Variants in PTPRR observed in about 807,000 individuals in gnomAD.
PTPRR encodes the protein protein tyrosine phosphatase receptor type R, also known as receptor-type tyrosine-protein phosphatase R.
PTPRR carries 38 observed loss-of-function variants against 77.2 expected under a neutral mutation model. The ratio of observed to expected loss-of-function variants is 0.49; its 90% confidence interval spans 0.38 to 0.65. The LOEUF (loss-of-function observed/expected upper bound fraction) is 0.65, where lower values mean the gene tolerates loss of function less well. Ranked by LOEUF, PTPRR falls within the 30% of genes least tolerant of loss-of-function variation. The probability of loss-of-function intolerance (pLI) is 0.00; values close to 1 mark genes in which losing one functional copy is unlikely to be tolerated. For missense variants in PTPRR, 744 were observed against 799.2 expected, an observed-to-expected ratio of 0.93 and a Z score of 0.83; for synonymous variants, 299 against 283.1, an observed-to-expected ratio of 1.06 and a Z score of -0.57.
intron 1 of PTPRR, among the ~76,000 whole-genome samples, chr12:70,914,265 C>A (rs1433679294): frequency 1.3e-5 from 2 of 152,110 alleles, no homozygotes; most frequent in African/African-American, 4.8e-5. Flanking sequence ...GACCTCATCG[C>A]AAAAGACTGC....
chr12:70,815,414 T>C (rs1891885647), intron 2 of PTPRR, among the ~76,000 whole-genome samples: 1 of 152,220 alleles, frequency 6.6e-6, no homozygotes, highest in African/African-American at 2.4e-5. Flanking sequence ...ATGAAAAATC[T>C]ATAAATTTAA....
intron 2 of PTPRR, among the ~76,000 whole-genome samples, chr12:70,795,911 A>C (rs1362756698): frequency 2.6e-5 from 1 of 38,444 alleles, no homozygotes; most frequent in African/African-American, 5.1e-5. Context: ...TGTATTTAGT[A>C]GATTTTTTTT....
At chr12:70,865,445 G>C (rs1432725755) in intron 2 of PTPRR, among the ~76,000 whole-genome samples, 1 of 152,130 alleles carries the variant, frequency 6.6e-6, no homozygotes, top group Non-Finnish European at 1.5e-5. Context: ...AGGACAGGTG[G>C]AAAATTTTCC....
chr12:70,797,784 T>C (rs1237264518), intron 2 of PTPRR, among the ~76,000 whole-genome samples: 25 of 152,152 alleles, frequency 1.6e-4, no homozygotes, highest in Admixed American at 1.6e-3. Context: ...CCAATGCCAG[T>C]GGTGTTCTTT....
chr12:70,854,348 C>G (rs1300300455), intron 2 of PTPRR, among the ~76,000 whole-genome samples: 1 of 152,164 alleles, frequency 6.6e-6, no homozygotes, highest in African/African-American at 2.4e-5. Flanking sequence ...TTTGCAAAAT[C>G]AAAGCACCAC....
chr12:70,755,339 A>G (rs1890534190), intron 4 of PTPRR, among the ~76,000 whole-genome samples: 1 of 152,162 alleles, frequency 6.6e-6, no homozygotes, highest in Non-Finnish European at 1.5e-5. Context: ...GGAGTAAAAC[A>G]CGTCTTGTAG....
chr12:70,867,167 A>G (rs1316500600), intron 2 of PTPRR, among the ~76,000 whole-genome samples: 1 of 151,362 alleles, frequency 6.6e-6, no homozygotes, highest in Non-Finnish European at 1.5e-5. Flanking sequence ...CCTATTCAAC[A>G]TAGTGTTGGA....
intron 2 of PTPRR, among the ~76,000 whole-genome samples, chr12:70,892,180 C>T (rs1439830073): frequency 6.6e-6 from 1 of 152,026 alleles, no homozygotes; most frequent in Non-Finnish European, 1.5e-5. Context: ...TTACTCCCAA[C>T]TCATTTTATT....
chr12:70,644,822 T>A (rs1214676952), intron 13 of PTPRR, among the ~76,000 whole-genome samples: 2 of 152,152 alleles, frequency 1.3e-5, no homozygotes, highest in Admixed American at 1.3e-4. Flanking sequence ...TTTCTAAATA[T>A]TGACCAGCCT....
Position 70,920,379 on chromosome 12 carries a change from T to G in PTPRR, c.12A>C (p.Ala4=), listed in dbSNP as rs1188960964. 2 of 1,613,592 alleles carry G rather than the reference T, an allele frequency of 1.2e-6. No homozygotes were observed. Among genetic ancestry groups the G allele is most frequent in the East Asian group, 4.5e-5 (2 of 44,816 alleles). The change falls in exon 1 of 14, where the codon GCA becomes GCC. Residue 4 remains alanine (A), a synonymous_variant. Coordinates refer to ENST00000283228, the MANE Select transcript of PTPRR (RefSeq NM_002849.4). The part of the protein sequence containing the change: MRR[A]VCFPALCLLL... ...GCAGGCACAGCGCAGGGAAGCAGAC[T>G]GCTCTCCGCATAGTGTTTGCATTGA...
intron 13 of PTPRR, among the ~76,000 whole-genome samples, chr12:70,642,983 T>A (rs1379543931): frequency 1.3e-5 from 2 of 152,160 alleles, no homozygotes; most frequent in Admixed American, 1.3e-4. Flanking sequence ...CCAGCCTGGG[T>A]AACATAGTTA....
chr12:70,810,586 T>C (rs940576725), intron 2 of PTPRR, among the ~76,000 whole-genome samples: 24 of 152,186 alleles, frequency 1.6e-4, no homozygotes, highest in Admixed American at 4.6e-4. Flanking sequence ...GTTACTGTTA[T>C]GTATAATAAA....
chr12:70,864,081 C>A (rs751452461), intron 2 of PTPRR, among the ~76,000 whole-genome samples: 5 of 152,136 alleles, frequency 3.3e-5, no homozygotes, highest in African/African-American at 1.2e-4. Context: ...CCAAGACTCA[C>A]GTATATTGTA....
intron 6 of PTPRR, among the ~76,000 whole-genome samples, chr12:70,715,349 A>C (rs1888984695): frequency 6.6e-6 from 1 of 152,200 alleles, no homozygotes; most frequent in East Asian, 1.9e-4. Context: ...GGGTGAAATC[A>C]CGAGACCACA....
At chr12:70,681,179 GT>G (rs891975529) in intron 10 of PTPRR, among the ~76,000 whole-genome samples, 2 of 152,200 alleles carry the variant, frequency 1.3e-5, no homozygotes, top group African/African-American at 4.8e-5. Flanking sequence ...ACTACTGTGT[GT>G]GAAGGTAGTG....
chr12:70,680,047 A>G (rs754443236), intron 10 of PTPRR, among the ~76,000 whole-genome samples: 7 of 152,000 alleles, frequency 4.6e-5, no homozygotes, highest in African/African-American at 1.4e-4. Context: ...TGATTTGTGT[A>G]TCTGCTGTAA....
chr12:70,867,677 A>G (rs1175626719), intron 2 of PTPRR, among the ~76,000 whole-genome samples: 1 of 151,514 alleles, frequency 6.6e-6, no homozygotes, highest in Non-Finnish European at 1.5e-5. Flanking sequence ...ACAGAATTGG[A>G]AAAAACTACT....
At chr12:70,673,333 G>A (rs1191515287) in intron 10 of PTPRR, among the ~76,000 whole-genome samples, 2 of 152,284 alleles carry the variant, frequency 1.3e-5, no homozygotes, top group East Asian at 3.9e-4. Context: ...TTCTATAAGA[G>A]TGAACACAGA....
intron 1 of PTPRR, among the ~76,000 whole-genome samples, chr12:70,912,453 T>C (rs973796104): frequency 1.3e-5 from 2 of 151,940 alleles, no homozygotes; most frequent in African/African-American, 2.4e-5. Flanking sequence ...AGTCAGAAAA[T>C]GGACATTGCT....
Sources: gnomAD v4.1 joint callset for allele counts (sites outside exome capture counted in the v4.1 genomes callset) on GRCh38, gnomAD v4.1.1 for gene constraint, MANE v1.5 for transcripts, NCBI Gene and HGNC (gene_info 2026-07-23, HGNC 2026-07-21) for gene names.